CYP2W1: variants seen among roughly 807,000 people sequenced by gnomAD.
CYP2W1 encodes cytochrome P450 family 2 subfamily W member 1, also known as cytochrome P450 2W1.
CYP2W1 carries 51 observed loss-of-function variants against 44.9 expected under a neutral mutation model. That is an observed-to-expected ratio of 1.14 (90% confidence interval 0.91 to 1.43). The LOEUF is 1.43. Among genes scored for constraint, CYP2W1 ranks in the 40% most tolerant of loss-of-function variants. CYP2W1 has a pLI of 0.00. For synonymous variants in CYP2W1, 383 were observed against 338.3 expected, an observed-to-expected ratio of 1.13 and a Z score of -1.45; for missense variants, 746 against 700.0, an observed-to-expected ratio of 1.07 and a Z score of -0.74.
At chr7:986,353 G>A in intron 4 of CYP2W1, 2 of 523,112 alleles carry the variant, frequency 3.8e-6, no homozygotes, top group Middle Eastern at 5.1e-4. Flanking sequence ...TTCCACTGTG[G>A]CAGCTGCCTC....
At chr7:983,791 A>T in intron 1 of CYP2W1, among the ~76,000 whole-genome samples, 1 of 152,110 alleles carries the variant, frequency 6.6e-6, no homozygotes, top group East Asian at 1.9e-4. Context: ...CCCACTTTTG[A>T]GCCTCTGTTT....
chr7:986,898 G>A (rs1428062241), intron 5 of CYP2W1, 101 bp downstream of exon 5: 46 of 1,365,872 alleles, frequency 3.4e-5, no homozygotes, highest in Non-Finnish European at 4.4e-5. Context: ...CCTGCACCAA[G>A]CTCCCTACCT....
At chr7:985,366 A>C (rs1213282516) in intron 4 of CYP2W1, 43 bp downstream of exon 4, 1 of 1,534,988 alleles carries the variant, frequency 6.5e-7, no homozygotes, top group Non-Finnish European at 8.8e-7. Flanking sequence ...TGGAGCCTGG[A>C]GTGATGGGCG....
intron 4 of CYP2W1, 80 bp from the exon 5 acceptor site, chr7:986,544 C>T (rs533054637): frequency 1.4e-5 from 22 of 1,532,856 alleles, no homozygotes; most frequent in African/African-American, 1.1e-4. Context: ...TGAACACAGC[C>T]GCTGGGGACG....
Position 985,108 on chromosome 7 carries a change from G to A in CYP2W1, c.487+9G>A, listed in dbSNP as rs374841296. On this transcript the variant is annotated intron_variant, in intron 3 of 8. Coordinates refer to ENST00000308919, the MANE Select transcript of CYP2W1 (RefSeq NM_017781.3). ...GCTGGATGGCTACAGAGGTGAGCAGGGGGCCGGGGACGCCCCTCCCCGGGC... is the reference window on the plus strand; with the variant it reads ...GCTGGATGGCTACAGAGGTGAGCAGAGGGCCGGGGACGCCCCTCCCCGGGC... 80 of 1,610,996 alleles carry A rather than the reference G, an allele frequency of 5.0e-5. No individual in the cohort carries two copies. In the African/African-American group the frequency reaches 9.5e-4, roughly 19 times the overall value.
chr7:984,414 C>T lies in CYP2W1; in HGVS notation c.177C>T (p.Leu59=). The T allele has an allele frequency of 6.5e-7, 1 of 1,547,456 alleles. No homozygotes were observed. The highest frequency in any genetic ancestry group is 2.4e-5 in the East Asian group (1 of 40,922). ...GTGACCCCCGCCATCCCTGCCAGCT[C>T]TCAGAACGCTACGGGCCGGTGTTCA... ...LSQQDRSLME[L]SERYGPVFTV... is the part of the protein sequence containing the mutation. The change falls in exon 2 of 9, where the codon CTC becomes CTT. Residue 59 remains leucine (L), a splice_region_variant and synonymous_variant. Coordinates refer to ENST00000308919, the MANE Select transcript of CYP2W1 (RefSeq NM_017781.3).
chr7:988,241 G>T lies in CYP2W1; in HGVS notation c.1144-36G>T, dbSNP rs367697657. 1.6e-5 allele frequency: 25 copies of T among 1,543,724 alleles called. No homozygotes were observed. In the African/African-American group the frequency reaches 3.4e-4, roughly 21 times the overall value. ...ACCCAGGCCCCATCCCATCTTCCCC[G>T]GGGCCCCTCTCTCTGTGCCCCGGCT... On this transcript the variant is annotated intron_variant, in intron 7 of 8. Coordinates refer to ENST00000308919, the MANE Select transcript of CYP2W1 (RefSeq NM_017781.3).
chr7:985,131 G>A, intron 3 of CYP2W1, 32 bp downstream of exon 3: 1 of 1,604,848 alleles, frequency 6.2e-7, no homozygotes, highest in Non-Finnish European at 8.5e-7. Flanking sequence ...CCCCTCCCCG[G>A]GCCTGGACGT....
intron 4 of CYP2W1, among the ~76,000 whole-genome samples, chr7:985,846 T>C (rs1000742327): frequency 1.3e-5 from 2 of 152,246 alleles, no homozygotes; most frequent in African/African-American, 4.8e-5. Context: ...GCATCACGGC[T>C]GGACCCAGAG....
chr7:986,821 T>C (rs1422910882), intron 5 of CYP2W1, 24 bp downstream of exon 5: 1 of 1,510,224 alleles, frequency 6.6e-7, no homozygotes, highest in Admixed American at 2.1e-5. Flanking sequence ...CAAGACCTCC[T>C]TGAAGGCCTG....
In CYP2W1 at chr7:983,301, G is replaced by A. The variant is rs1198900158; in HGVS notation, c.90G>A (p.Arg30=). ...CCCAAGACCCCTCCCCAGCTGCCCG[G>A]TGGCCCCCGGGGCCTCGCCCGCTGC... is the stretch of plus-strand genomic sequence containing the variant. The part of the protein sequence containing the change: ...ACAQDPSPAA[R]WPPGPRPLPL... Residue 30 remains arginine, a synonymous_variant, in exon 1 of 9, where the codon CGG becomes CGA. Coordinates refer to ENST00000308919, the MANE Select transcript of CYP2W1 (RefSeq NM_017781.3). The A allele has an allele frequency of 1.9e-6, 3 of 1,542,288 alleles. No individual in the cohort carries two copies. The highest frequency in any genetic ancestry group is 2.6e-6 in the Non-Finnish European group (3 of 1,145,212).
Position 983,370 on chromosome 7 carries a change from C to A in CYP2W1, c.159C>A (p.Asp53Glu), listed in dbSNP as rs1848069027. The change falls in exon 1 of 9, where the codon GAC becomes GAA. Residue 53 changes from aspartate (D) to glutamate (E), a missense_variant. By Grantham distance (45) the Asp-to-Glu change is conservative (BLOSUM62 2). Coordinates refer to ENST00000308919, the MANE Select transcript of CYP2W1 (RefSeq NM_017781.3). ...ACTTGCTGCGTCTGTCGCAACAGGA[C>A]CGGTCCCTGATGGAGGTAAGTCAGG... ...NLHLLRLSQQ[D>E]RSLMELSERY... is the part of the protein sequence containing the mutation. 6.6e-7 allele frequency: 1 copy of A among 1,525,664 alleles called. No homozygotes were observed. The highest frequency in any genetic ancestry group is 2.5e-5 in the East Asian group (1 of 40,096). 94.5% of individuals were successfully genotyped at this position (1,525,664 alleles called of 1,614,324 possible).
At position 984,400 on chromosome 7, in the gene CYP2W1, C is replaced by T. The variant is rs770347969; in HGVS notation, c.175-12C>T. The stretch of plus-strand genomic sequence containing the variant: ...TGAGGGCTGCCCGGGTGACCCCCGC[C>T]ATCCCTGCCAGCTCTCAGAACGCTA... On this transcript the variant is annotated splice_polypyrimidine_tract_variant and intron_variant, in intron 1 of 8. Transcript: ENST00000308919. The T allele has an allele frequency of 1.2e-5, 19 of 1,545,688 alleles. No individual in the cohort carries two copies. The East Asian group carries it at 1.5e-4, about 12-fold the overall frequency.
intron 8 of CYP2W1, 69 bp from the exon 9 acceptor site, chr7:988,566 A>T (rs1417895001): frequency 6.3e-7 from 1 of 1,597,288 alleles, no homozygotes; most frequent in African/African-American, 1.3e-5. Context: ...TCCCCTGGGG[A>T]GGTCCCCACC....
At chr7:984,606 TG>T in intron 2 of CYP2W1, 32 bp downstream of exon 2, 2 of 1,545,240 alleles carry the variant, frequency 1.3e-6, no homozygotes, top group East Asian at 2.4e-5. Context: ...CGGGGCCTAC[TG>T]GGTGTGGGGG....
chr7:986,393 C>G, intron 4 of CYP2W1: 1 of 579,124 alleles, frequency 1.7e-6, no homozygotes, highest in East Asian at 3.0e-5. Context: ...GGAAGGAGGT[C>G]CTGCTGTGCA....
At position 988,337 on chromosome 7, in the gene CYP2W1, C is replaced by G; in HGVS notation, c.1204C>G (p.Pro402Ala). ...VLLDETQWQT[P>A]GQFNPGHFLD... The stretch of plus-strand genomic sequence containing the variant: ...CCTGGATGAGACACAGTGGCAGACC[C>G]CAGGCCAGTTCAACCCCGGCCATTT... The change falls in exon 8 of 9, where the codon CCA becomes GCA. Residue 402 changes from proline to alanine, a missense_variant. Transcript: ENST00000308919. The G allele has an allele frequency of 6.2e-7, 1 of 1,612,590 alleles. No homozygotes were observed. Among genetic ancestry groups the G allele is most frequent in the Non-Finnish European group, 8.5e-7 (1 of 1,179,750 alleles).
chr7:986,412 T>C, intron 4 of CYP2W1: 1 of 605,828 alleles, frequency 1.7e-6, no homozygotes, highest in Non-Finnish European at 2.9e-6. Context: ...CAAACCTGCC[T>C]GGCTGTCCCC....
Position 986,694 on chromosome 7 carries a change from A to G in CYP2W1, c.716A>G (p.Glu239Gly). Reference protein sequence around the residue: ...LHRPVLRKIEEVRAILRTLLE... With the variant: ...LHRPVLRKIEGVRAILRTLLE... ...CGGCCCGTCCTGCGCAAGATCGAGG[A>G]GGTCCGTGCCATTCTGAGGACCCTC... The change falls in exon 5 of 9, where the codon GAG becomes GGG. Residue 239 changes from glutamate (E) to glycine (G), a missense_variant. By Grantham distance (98) the Glu-to-Gly change is moderately conservative. Transcript: ENST00000308919. 6.2e-7 allele frequency: 1 copy of G among 1,612,500 alleles called. No homozygotes were observed. Among genetic ancestry groups the G allele is most frequent in the Non-Finnish European group, 8.5e-7 (1 of 1,179,820 alleles).
Sources: gnomAD v4.1 joint callset for allele counts (sites outside exome capture counted in the v4.1 genomes callset) on GRCh38, gnomAD v4.1.1 for gene constraint, MANE v1.5 for transcripts, NCBI Gene and HGNC (gene_info 2026-07-23, HGNC 2026-07-21) for gene names.